Variants in CNOT4 observed in about 807,000 individuals in gnomAD.
CNOT4 encodes CCR4-NOT transcription complex subunit 4.
A neutral mutation model predicts 73.8 loss-of-function variants in CNOT4; 8 were observed. The ratio of observed to expected loss-of-function variants is 0.11; its 90% CI spans 0.06 to 0.20. The LOEUF is 0.20. Among genes scored for constraint, CNOT4 ranks in the 10% least tolerant of loss-of-function variants. CNOT4 has a pLI of 1.00. For synonymous variants in CNOT4, 293 were observed against 321.1 expected, an observed-to-expected ratio of 0.91 and a Z score of 0.94; for missense variants, 564 against 883.4, an observed-to-expected ratio of 0.64 and a Z score of 4.58.
chr7:135,432,065 A>C (rs979074788), intron 2 of CNOT4, among the ~76,000 whole-genome samples: 6 of 152,252 alleles, frequency 3.9e-5, no homozygotes, highest in African/African-American at 1.2e-4. Flanking sequence ...AATTCTAAAA[A>C]GAATAACAAA....
chr7:135,415,169 T>C lies in CNOT4; in HGVS notation c.459+7A>G, dbSNP rs375418200. The C allele has an allele frequency of 3.2e-6, 5 of 1,563,138 alleles. No individual in the cohort carries two copies. In the African/African-American group the frequency reaches 5.4e-5, roughly 17 times the overall value. On this transcript the variant is annotated splice_region_variant and intron_variant, in intron 4 of 11. Coordinates refer to ENST00000541284, the MANE Select transcript of CNOT4 (RefSeq NM_001190850.2). ...GAGGAAAAGCAAAAATCCCTAAAAT[T>C]AGTTACCTGTGAGCCTGCATATGAT...
intron 1 of CNOT4, among the ~76,000 whole-genome samples, chr7:135,484,393 T>C (rs1349733164): frequency 6.6e-6 from 1 of 151,998 alleles, no homozygotes; most frequent in African/African-American, 2.4e-5. Context: ...CATGACTATC[T>C]AGAAAATCCC....
intron 2 of CNOT4, among the ~76,000 whole-genome samples, chr7:135,430,122 G>A (rs999463263): frequency 1.3e-5 from 2 of 152,118 alleles, no homozygotes; most frequent in East Asian, 3.8e-4. Flanking sequence ...CCAATGACAC[G>A]CAAACTCTTT....
chr7:135,418,347 T>C (rs1307432790), intron 3 of CNOT4, among the ~76,000 whole-genome samples: 1 of 152,218 alleles, frequency 6.6e-6, no homozygotes, highest in Non-Finnish European at 1.5e-5. Flanking sequence ...ATTATCTATA[T>C]ACTCAATATC....
intron 1 of CNOT4, among the ~76,000 whole-genome samples, chr7:135,474,276 ATTTTT>A (rs869203152): frequency 5.7e-5 from 5 of 87,974 alleles, no homozygotes; most frequent in East Asian, 2.8e-4. Flanking sequence ...CTGTGCCCAA[ATTTTT>A]TTTTTTTTTT....
At chr7:135,406,952 T>C (rs188032493) in intron 7 of CNOT4, among the ~76,000 whole-genome samples, 37 of 152,348 alleles carry the variant, frequency 2.4e-4, no homozygotes, top group Middle Eastern at 3.4e-3. Context: ...AAATCTCCTG[T>C]TGAATTATAA....
At position 135,363,281 on chromosome 7, in the gene CNOT4, G is replaced by T. The variant is rs2059367; in HGVS notation, c.1841-95C>A. The T allele has an allele frequency of 2.6e-6, 3 of 1,133,044 alleles. No individual in the cohort carries two copies. The highest frequency in any genetic ancestry group is 3.9e-6 in the Non-Finnish European group (3 of 765,952). The allele number at this position is 1,133,044 out of a possible 1,614,324, so 70.2% of individuals were successfully genotyped here. ...TTTAGAAAGCAAAACCAAAAGGAAA[G>T]ACAGAAGAGATTACAATTTTAAACT... On this transcript the variant is annotated intron_variant, in intron 11 of 11. Transcript: ENST00000541284. This position sits in a 1 kb window ranked among gnomAD's most constrained non-coding sequence, Gnocchi z 4.3.
At chr7:135,454,327 C>T (rs1204069743) in intron 1 of CNOT4, among the ~76,000 whole-genome samples, 1 of 151,888 alleles carries the variant, frequency 6.6e-6, no homozygotes, top group East Asian at 1.9e-4. Flanking sequence ...TACAGAAAGT[C>T]TCACAGAGAA....
At chr7:135,465,865 C>A (rs1371253080) in intron 1 of CNOT4, among the ~76,000 whole-genome samples, 1 of 151,254 alleles carries the variant, frequency 6.6e-6, no homozygotes, top group Admixed American at 6.6e-5. Flanking sequence ...CTGACCAACA[C>A]GGTGAAACCC....
intron 7 of CNOT4, among the ~76,000 whole-genome samples, chr7:135,398,774 TG>T (rs1796842870): frequency 6.6e-6 from 1 of 152,112 alleles, no homozygotes; most frequent in Admixed American, 6.5e-5. Context: ...CATTTATTTT[TG>T]TGCATGTGAT....
intron 2 of CNOT4, among the ~76,000 whole-genome samples, chr7:135,437,427 G>C (rs1799222254): frequency 6.6e-6 from 1 of 151,942 alleles, no homozygotes; most frequent in Non-Finnish European, 1.5e-5. Flanking sequence ...CTGACCTTGT[G>C]ATCCGCCTGC....
At chr7:135,366,505 T>C (rs1462353157) in intron 10 of CNOT4, among the ~76,000 whole-genome samples, 1 of 152,180 alleles carries the variant, frequency 6.6e-6, no homozygotes, top group Non-Finnish European at 1.5e-5. Context: ...ATATGGCGCA[T>C]GATGCAGAAA....
chr7:135,457,265 T>C (rs1406442162), intron 1 of CNOT4, among the ~76,000 whole-genome samples: 1 of 151,848 alleles, frequency 6.6e-6, no homozygotes, highest in East Asian at 1.9e-4. Flanking sequence ...TATCTAACTG[T>C]ACTTCAATAA....
chr7:135,463,762 GA>G (rs1271678271), intron 1 of CNOT4, among the ~76,000 whole-genome samples: 3 of 151,854 alleles, frequency 2.0e-5, no homozygotes, highest in Non-Finnish European at 4.4e-5. Context: ...CAGAATGGGA[GA>G]AAATATTTGG....
intron 1 of CNOT4, among the ~76,000 whole-genome samples, chr7:135,463,704 G>A (rs1204694288): frequency 6.6e-6 from 1 of 151,990 alleles, no homozygotes; most frequent in East Asian, 1.9e-4. Flanking sequence ...AAACTTAAGA[G>A]CTTCTGCACA....
chr7:135,364,203 G>C lies in CNOT4; in HGVS notation c.1628-137C>G. On this transcript the variant is annotated intron_variant, in intron 10 of 11. Transcript: ENST00000541284. The surrounding 1 kb of genome is among the most constrained non-coding windows in gnomAD (Gnocchi z 4.3). ...TGAGCATTTAAAATGGGTTGTCCTA[G>C]CAAGATAAACTTGGTTAGGATTTTG... 2 of 724,268 alleles carry C rather than the reference G, an allele frequency of 2.8e-6. No individual in the cohort carries two copies. Among genetic ancestry groups the C allele is most frequent in the Non-Finnish European group, 4.4e-6 (2 of 449,952 alleles). 44.9% of individuals were successfully genotyped at this position (724,268 alleles called of 1,614,324 possible). A position where few individuals can be genotyped will look rare whatever the true frequency, so the allele number is the denominator to read the frequency against.
intron 10 of CNOT4, among the ~76,000 whole-genome samples, chr7:135,377,034 C>G (rs1205863225): frequency 6.6e-6 from 1 of 151,948 alleles, no homozygotes; most frequent in Non-Finnish European, 1.5e-5. Context: ...TACAACAGAC[C>G]AAGCATACAT....
intron 1 of CNOT4, among the ~76,000 whole-genome samples, chr7:135,441,118 G>A (rs141500702): frequency 2.5e-3 from 374 of 151,830 alleles, no homozygotes; most frequent in African/African-American, 8.7e-3. Flanking sequence ...TATTTGTTTC[G>A]CTAAGAAAAT....
intron 1 of CNOT4, among the ~76,000 whole-genome samples, chr7:135,480,864 C>T: frequency 7.0e-6 from 1 of 142,092 alleles, no homozygotes; most frequent in African/African-American, 2.6e-5. Context: ...CTAATTTGTG[C>T]TGGGAAAACT....
Sources: allele counts gnomAD v4.1 joint callset (sites outside exome capture counted in the v4.1 genomes callset), GRCh38; gene constraint gnomAD v4.1.1; non-coding constraint Gnocchi (gnomAD v3.1); transcripts MANE v1.5; gene names NCBI Gene and HGNC (gene_info 2026-07-23, HGNC 2026-07-21).